Variants in ALDH9A1 observed in about 807,000 individuals in gnomAD.
ALDH9A1 encodes aldehyde dehydrogenase 9 family member A1.
Under a neutral mutation model 56.6 loss-of-function variants are expected in ALDH9A1, and 42 were observed. The ratio of observed to expected loss-of-function variants is 0.74; its 90% CI spans 0.58 to 0.96. The LOEUF (loss-of-function observed/expected upper bound fraction) is 0.96. Ranked by LOEUF, ALDH9A1 falls within the 40% of genes least tolerant of loss-of-function variation. The probability of loss-of-function intolerance (pLI) is 0.00; values close to 1 mark genes in which losing one functional copy is unlikely to be tolerated. For missense variants in ALDH9A1, 661 were observed against 651.5 expected (o/e 1.01, Z -0.16); for synonymous variants, 242 against 236.0 (o/e 1.03, Z -0.23).
intron 1 of ALDH9A1, among the ~76,000 whole-genome samples, chr1:165,697,706 A>G (rs1209132726): frequency 6.6e-6 from 1 of 152,140 alleles, no homozygotes; most frequent in African/African-American, 2.4e-5. Flanking sequence ...ACATTTGAAG[A>G]CAATAATACA....
intron 6 of ALDH9A1, chr1:165,676,754 TG>T (rs1204647966): frequency 4.0e-6 from 2 of 501,076 alleles, no homozygotes; most frequent in Middle Eastern, 4.4e-4. Flanking sequence ...CCTGAGCTGC[TG>T]GAACCTATTC....
At chr1:165,676,718 A>C in intron 6 of ALDH9A1, 1 of 497,864 alleles carries the variant, frequency 2.0e-6, no homozygotes, top group Non-Finnish European at 4.0e-6. Context: ...AGGGAATCCC[A>C]CTGTGTGAGA....
Position 165,680,508 on chromosome 1 carries a change from T to C in ALDH9A1, c.768A>G (p.Gly256=). ...HPDVAKVSFT[G]SVPTGMKIME... ...TCACCTTCATGCCAGTGGGCACACT[T>C]CCAGTGAAGGAGACTTTGGCCACAT... The change falls in exon 5 of 11, where the codon GGA becomes GGG. Residue 256 remains glycine (G), a synonymous_variant. Transcript: ENST00000354775. 2 of 1,614,124 alleles carry C rather than the reference T, an allele frequency of 1.2e-6. No homozygotes were observed. The highest frequency in any genetic ancestry group is 4.5e-5 in the East Asian group (2 of 44,884).
intron 6 of ALDH9A1, among the ~76,000 whole-genome samples, chr1:165,672,032 G>C (rs1649193764): frequency 6.6e-6 from 1 of 152,218 alleles, no homozygotes; most frequent in Non-Finnish European, 1.5e-5. Flanking sequence ...AAATGGTGCT[G>C]CCATTGTAGG....
intron 2 of ALDH9A1, among the ~76,000 whole-genome samples, chr1:165,693,657 C>T (rs1424011337): frequency 3.3e-5 from 5 of 152,156 alleles, no homozygotes; most frequent in Admixed American, 1.3e-4. Flanking sequence ...GACAGTGTGG[C>T]GATTCCTCAA....
intron 2 of ALDH9A1, among the ~76,000 whole-genome samples, chr1:165,684,604 T>C (rs1003763498): frequency 1.3e-5 from 2 of 152,190 alleles, no homozygotes; most frequent in African/African-American, 4.8e-5. Flanking sequence ...CAACCATAAG[T>C]AGCTTAAATT....
At chr1:165,694,486 T>TA (rs766643796) in intron 2 of ALDH9A1, among the ~76,000 whole-genome samples, 47 of 144,476 alleles carry the variant, frequency 3.3e-4, no homozygotes, top group Non-Finnish European at 6.6e-4. Context: ...ATTTATGATG[T>TA]AAAAAAAAAG....
At chr1:165,665,419 CA>C (rs1021402037) in intron 9 of ALDH9A1, among the ~76,000 whole-genome samples, 1 of 151,968 alleles carries the variant, frequency 6.6e-6, no homozygotes, top group Non-Finnish European at 1.5e-5. Context: ...TATCTACATG[CA>C]AAAAATAAAG....
chr1:165,665,690 A>C (rs1371472318), intron 9 of ALDH9A1, among the ~76,000 whole-genome samples: 1 of 152,216 alleles, frequency 6.6e-6, no homozygotes, highest in African/African-American at 2.4e-5. Flanking sequence ...CAGAAATGCA[A>C]ATAAAAACCA....
chr1:165,665,901 C>T (rs1321030356), intron 9 of ALDH9A1, among the ~76,000 whole-genome samples: 1 of 152,182 alleles, frequency 6.6e-6, no homozygotes, highest in Non-Finnish European at 1.5e-5. Context: ...CAATTCACTA[C>T]TAGATATACA....
chr1:165,671,342 G>A, intron 6 of ALDH9A1: 2 of 411,052 alleles, frequency 4.9e-6, no homozygotes, highest in Admixed American at 2.7e-5. Context: ...TGGGGTTGCT[G>A]AAGTAGGGGC....
intron 9 of ALDH9A1, among the ~76,000 whole-genome samples, chr1:165,667,091 G>A (rs947243806): frequency 2.6e-5 from 4 of 151,170 alleles, no homozygotes; most frequent in Non-Finnish European, 5.9e-5. Flanking sequence ...TTTATTAAAC[G>A]AGCTCAATTT....
chr1:165,669,806 C>G (rs12080699), intron 6 of ALDH9A1, among the ~76,000 whole-genome samples: 59,720 of 151,860 alleles, frequency 0.39, 11,893 homozygotes, highest in Middle Eastern at 0.49. Flanking sequence ...GGGAACTTAA[C>G]AGTAAACCTA....
At chr1:165,682,550 G>T (rs1320636060) in intron 3 of ALDH9A1, among the ~76,000 whole-genome samples, 2 of 152,146 alleles carry the variant, frequency 1.3e-5, no homozygotes, top group East Asian at 3.9e-4. Context: ...GAAATGAGAG[G>T]AACACTCAAC....
intron 2 of ALDH9A1, among the ~76,000 whole-genome samples, chr1:165,687,335 C>A (rs966676384): frequency 6.6e-5 from 10 of 150,862 alleles, no homozygotes; most frequent in Admixed American, 2.6e-4. Flanking sequence ...ATTTTTTTTC[C>A]AAATGAAACA....
intron 2 of ALDH9A1, among the ~76,000 whole-genome samples, chr1:165,689,172 T>C (rs1649804167): frequency 6.6e-6 from 1 of 152,160 alleles, no homozygotes; most frequent in African/African-American, 2.4e-5. Context: ...GAATTAAAAA[T>C]AAATTTTTAA....
At chr1:165,697,129 C>G (rs982657221) in intron 1 of ALDH9A1, among the ~76,000 whole-genome samples, 7 of 152,228 alleles carry the variant, frequency 4.6e-5, no homozygotes, top group Non-Finnish European at 8.8e-5. Flanking sequence ...AAACAAAAAG[C>G]CCCTTCTTCC....
At chr1:165,682,913 C>T in intron 3 of ALDH9A1, 68 bp downstream of exon 3, 1 of 1,531,882 alleles carries the variant, frequency 6.5e-7, no homozygotes, top group Non-Finnish European at 8.8e-7. Context: ...AAATCTTTGC[C>T]CTTCACCACT....
chr1:165,666,493 G>A (rs1388709919), intron 9 of ALDH9A1, among the ~76,000 whole-genome samples: 1 of 152,144 alleles, frequency 6.6e-6, no homozygotes, highest in Admixed American at 6.5e-5. Context: ...GTACGAGGGT[G>A]GCAAAGTAAA....
Sources: allele counts gnomAD v4.1 joint callset (sites outside exome capture counted in the v4.1 genomes callset), GRCh38; gene constraint gnomAD v4.1.1; transcripts MANE v1.5; gene names NCBI Gene and HGNC (gene_info 2026-07-23, HGNC 2026-07-21).